ITGA1: variants seen among roughly 807,000 people sequenced by gnomAD.
ITGA1 encodes integrin alpha-1.
A neutral mutation model predicts 145.9 loss-of-function variants in ITGA1; 85 were observed. The ratio of observed to expected loss-of-function variants is 0.58; its 90% confidence interval spans 0.49 to 0.70. The LOEUF is 0.70. Among genes scored for constraint, ITGA1 ranks in the 30% least tolerant of loss-of-function variants. The pLI, the probability that ITGA1 is intolerant of heterozygous loss-of-function variation, is 0.00. For synonymous variants in ITGA1, 520 were observed against 495.3 expected, an observed-to-expected ratio of 1.05 and a Z score of -0.66; for missense variants, 1,351 against 1,418.7, an observed-to-expected ratio of 0.95 and a Z score of 0.77.
In ITGA1 at chr5:52,953,915, G is replaced by A. The variant is rs963895662; in HGVS notation, c.*1464G>A. 1 of 151,934 alleles carries A rather than the reference G, an allele frequency of 6.6e-6. No homozygotes were observed. Among genetic ancestry groups the A allele is most frequent in the African/African-American group, 2.4e-5 (1 of 41,338 alleles). 9.4% of individuals were successfully genotyped at this position (151,934 alleles called of 1,614,324 possible). ...CCTGGGCTCTGCTTTGTTCAAAGAG[G>A]AGCAAATCCACATAGAAATTAAATG... On this transcript the variant is annotated 3_prime_UTR_variant, in exon 29 of 29. Transcript: ENST00000282588.
At chr5:52,857,651 C>T (rs1269091277) in intron 2 of ITGA1, among the ~76,000 whole-genome samples, 1 of 152,102 alleles carries the variant, frequency 6.6e-6, no homozygotes, top group Non-Finnish European at 1.5e-5. Context: ...TTCTGATTAC[C>T]CTTGCCTAGT....
At chr5:52,872,672 C>T (rs552719578) in intron 6 of ITGA1, among the ~76,000 whole-genome samples, 1 of 150,834 alleles carries the variant, frequency 6.6e-6, no homozygotes, top group South Asian at 2.1e-4. Flanking sequence ...TATTCTCCTG[C>T]CTCAGGCTCC....
At chr5:52,865,961 T>C in intron 6 of ITGA1, 144 bp downstream of exon 6, 1 of 628,704 alleles carries the variant, frequency 1.6e-6, no homozygotes, top group Non-Finnish European at 2.5e-6. Flanking sequence ...TTCTTATTTC[T>C]GATAAAAAGG....
chr5:52,852,878 T>C (rs1749450307), intron 2 of ITGA1, among the ~76,000 whole-genome samples: 2 of 152,088 alleles, frequency 1.3e-5, no homozygotes, highest in South Asian at 4.1e-4. Flanking sequence ...AAAAGCTGCA[T>C]AAAAAATAAA....
chr5:52,899,192 T>C (rs1177949517), intron 11 of ITGA1, among the ~76,000 whole-genome samples: 1 of 152,172 alleles, frequency 6.6e-6, no homozygotes, highest in Non-Finnish European at 1.5e-5. Flanking sequence ...AACACATACC[T>C]TGGCCTGGAA....
chr5:52,850,065 C>T (rs1749404870), intron 2 of ITGA1, among the ~76,000 whole-genome samples: 1 of 148,752 alleles, frequency 6.7e-6, no homozygotes, highest in Admixed American at 6.7e-5. Flanking sequence ...TACAGTGGAG[C>T]GATCTCAGCT....
At chr5:52,830,441 A>G (rs1017391406) in intron 1 of ITGA1, among the ~76,000 whole-genome samples, 12 of 152,162 alleles carry the variant, frequency 7.9e-5, no homozygotes, top group African/African-American at 2.4e-4. Context: ...TCATTTTACC[A>G]GAGAGTATAC....
chr5:52,899,852 A>G (rs1750286968), intron 11 of ITGA1, among the ~76,000 whole-genome samples: 2 of 152,192 alleles, frequency 1.3e-5, no homozygotes, highest in Non-Finnish European at 2.9e-5. Context: ...AAACTGAGAG[A>G]TAGAACAATT....
At chr5:52,890,483 G>A (rs183705709) in intron 8 of ITGA1, among the ~76,000 whole-genome samples, 111 of 152,294 alleles carry the variant, frequency 7.3e-4, no homozygotes, top group Non-Finnish European at 4.0e-4. Flanking sequence ...GAACAATTTG[G>A]TGAGTTTTGA....
Position 52,952,983 on chromosome 5 carries a change from T to C in ITGA1, c.*532T>C, listed in dbSNP as rs1751247649. 1 of 152,116 alleles carries C rather than the reference T, an allele frequency of 6.6e-6. No individual in the cohort carries two copies. Among genetic ancestry groups the C allele is most frequent in the Admixed American group, 6.6e-5 (1 of 15,262 alleles). 9.4% of individuals were successfully genotyped at this position (152,116 alleles called of 1,614,324 possible). ...TATACAATATGGATTGAAAATTAAG[T>C]CACCAAGAATACATTTAGCATCTTT... On this transcript the variant is annotated 3_prime_UTR_variant, in exon 29 of 29. Coordinates refer to ENST00000282588, the MANE Select transcript of ITGA1 (RefSeq NM_181501.2).
chr5:52,922,194 G>A (rs569805908), intron 17 of ITGA1, among the ~76,000 whole-genome samples: 2 of 116,278 alleles, frequency 1.7e-5, no homozygotes, highest in Admixed American at 1.7e-4. Context: ...CCAGCTAGTC[G>A]GGAGGCTGAG....
chr5:52,911,751 CATATAGTGTATCTACTATATATACTATAT>C (rs1275885578), intron 14 of ITGA1, among the ~76,000 whole-genome samples: 12,597 of 129,742 alleles, frequency 0.097, 49 homozygotes, highest in South Asian at 0.17. Flanking sequence ...ATATACTATA[CATATAGTGTATCTACTATATATACTATAT>C]ATATAGTGTA....
intron 1 of ITGA1, chr5:52,801,279 C>A: frequency 8.8e-7 from 1 of 1,140,070 alleles, no homozygotes. Context: ...AAATGTCTAG[C>A]AAATTTATGG....
At chr5:52,896,635 C>T (rs1750231985) in intron 9 of ITGA1, among the ~76,000 whole-genome samples, 1 of 152,052 alleles carries the variant, frequency 6.6e-6, no homozygotes, top group South Asian at 2.1e-4. Flanking sequence ...TCTGCAAGGC[C>T]AAATAAATCA....
chr5:52,801,431 A>G (rs1427444607), intron 1 of ITGA1: 1 of 1,613,632 alleles, frequency 6.2e-7, no homozygotes, highest in Admixed American at 1.7e-5. Flanking sequence ...TCCGGACACA[A>G]GTACTCCCTG....
At chr5:52,891,373 A>G (rs1346245487) in intron 8 of ITGA1, among the ~76,000 whole-genome samples, 1 of 150,694 alleles carries the variant, frequency 6.6e-6, no homozygotes, top group African/African-American at 2.4e-5. Context: ...ATAAAACTGT[A>G]TAGTATGTAC....
chr5:52,940,406 T>A (rs1373847406), intron 26 of ITGA1, among the ~76,000 whole-genome samples: 2 of 118,542 alleles, frequency 1.7e-5, no homozygotes, highest in Non-Finnish European at 3.6e-5. Context: ...ATATGAAGCC[T>A]TTTTTCTTTT....
chr5:52,943,534 A>G (rs965887962), intron 26 of ITGA1, among the ~76,000 whole-genome samples: 1 of 152,170 alleles, frequency 6.6e-6, no homozygotes, highest in Non-Finnish European at 1.5e-5. Flanking sequence ...GTATTTGCTC[A>G]TGTTTGCAGG....
chr5:52,795,768 G>A (rs1748329635), intron 1 of ITGA1, among the ~76,000 whole-genome samples: 1 of 151,862 alleles, frequency 6.6e-6, no homozygotes, highest in Non-Finnish European at 1.5e-5. Flanking sequence ...TTAATATCAA[G>A]TATCATAATA....
Sources: allele counts gnomAD v4.1 joint callset (sites outside exome capture counted in the v4.1 genomes callset), GRCh38; gene constraint gnomAD v4.1.1; transcripts MANE v1.5; gene names NCBI Gene and HGNC (gene_info 2026-07-23, HGNC 2026-07-21).